SV2B: variants seen among roughly 807,000 people sequenced by gnomAD.
The protein encoded by SV2B is solute carrier family 22 member B2.
Under a neutral mutation model 73.9 loss-of-function variants are expected in SV2B, and 41 were observed. The ratio of observed to expected loss-of-function variants is 0.56; its 90% CI spans 0.43 to 0.72. The LOEUF is 0.72. Among genes scored for constraint, SV2B ranks in the 30% least tolerant of loss-of-function variants. SV2B has a pLI of 0.00. For missense variants in SV2B, 764 were observed against 857.8 expected (o/e 0.89, Z 1.37); for synonymous variants, 314 against 314.2 (o/e 1.00, Z 0.01).
intron 11 of SV2B, among the ~76,000 whole-genome samples, chr15:91,286,663 A>G (rs192219696): frequency 5.9e-5 from 9 of 152,318 alleles, no homozygotes; most frequent in East Asian, 1.9e-4. Flanking sequence ...CATGTGTTCA[A>G]TATTAACACA....
Position 91,124,408 on chromosome 15 carries a change from G to T in SV2B, c.-392+24045G>T, listed in dbSNP as rs2042421047. On this transcript the variant is annotated intron_variant, in intron 1 of 12. Coordinates refer to ENST00000394232, the MANE Select transcript of SV2B (RefSeq NM_001323032.3). This position sits in a 1 kb window ranked among gnomAD's most constrained non-coding sequence, Gnocchi z 4.6. ...GTGAGACACCTGCAACCGAGTGTGA[G>T]GTGCAGCAGCCAAGAGCCAGTGAGG... Among the ~76,000 whole-genome samples the T allele has an allele frequency of 6.6e-6, 1 of 152,150 alleles. No homozygotes were observed. Among genetic ancestry groups the T allele is most frequent in the African/African-American group, 2.4e-5 (1 of 41,444 alleles).
At chr15:91,135,361 C>T (rs1232336005) in intron 1 of SV2B, among the ~76,000 whole-genome samples, 1 of 152,186 alleles carries the variant, frequency 6.6e-6, no homozygotes, top group East Asian at 1.9e-4. Flanking sequence ...TTCACTCTTC[C>T]CGCTTCACCT....
rs1206773735 is a variant in SV2B at position 91,130,355 on chromosome 15, G to A, written c.-392+29992G>A. ...GCAACTCAGGGACAAGGTCAGGGTTGGAGTTACGTGCTTGGCTAGGGCTGA... is the reference window on the plus strand; with the variant it reads ...GCAACTCAGGGACAAGGTCAGGGTTAGAGTTACGTGCTTGGCTAGGGCTGA... On this transcript the variant is annotated intron_variant, in intron 1 of 12. Coordinates refer to ENST00000394232, the MANE Select transcript of SV2B (RefSeq NM_001323032.3). The surrounding 1 kb of genome is among the most constrained non-coding windows in gnomAD (Gnocchi z 5.6). 6.6e-6 allele frequency among the ~76,000 whole-genome samples: 1 copy of A among 152,178 alleles called. No homozygotes were observed. The highest frequency in any genetic ancestry group is 1.5e-5 in the Non-Finnish European group (1 of 68,036).
At chr15:91,287,819 C>T (rs1038972416) in intron 11 of SV2B, among the ~76,000 whole-genome samples, 9 of 152,212 alleles carry the variant, frequency 5.9e-5, no homozygotes, top group African/African-American at 9.7e-5. Flanking sequence ...GCAGGTGAGG[C>T]ACCCAGACAC....
chr15:91,230,420 TC>T (rs1286654042), intron 2 of SV2B, among the ~76,000 whole-genome samples: 28 of 152,256 alleles, frequency 1.8e-4, no homozygotes, highest in Non-Finnish European at 8.8e-5. Context: ...AATGAATGAA[TC>T]CATTTGGAAA....
In SV2B at chr15:91,190,262, A is replaced by G. The variant is rs191554589; in HGVS notation, c.-391-35611A>G. Among the ~76,000 whole-genome samples, 56 of 152,164 alleles carry G rather than the reference A, an allele frequency of 3.7e-4. 1 individual carries two copies. The Middle Eastern group carries it at 0.014, about 37-fold the overall frequency. ...ATCTACCTTGGATTATTACATCTAT[A>G]TGAATGATCTATGTAAGTGGTCATA... On this transcript the variant is annotated intron_variant, in intron 1 of 12. Transcript: ENST00000394232.
Position 91,293,708 on chromosome 15 carries a change from C to T in SV2B, c.*1156C>T, listed in dbSNP as rs2049124287. 1 of 152,144 alleles carries T rather than the reference C, an allele frequency of 6.6e-6. No homozygotes were observed. Among genetic ancestry groups the T allele is most frequent in the African/African-American group, 2.4e-5 (1 of 41,420 alleles). 9.4% of individuals were successfully genotyped at this position (152,144 alleles called of 1,614,324 possible). A position where few individuals can be genotyped will look rare whatever the true frequency, so the allele number is the denominator to read the frequency against. On this transcript the variant is annotated 3_prime_UTR_variant, in exon 13 of 13. Transcript: ENST00000394232. Reference sequence around the variant, plus strand: ...CAAATGTAAATACTTTTTGTTTGTTCTAGTGGTAAAATGCAAATGCAATCC... The same window carrying T: ...CAAATGTAAATACTTTTTGTTTGTTTTAGTGGTAAAATGCAAATGCAATCC...
Position 91,214,087 on chromosome 15 carries a change from G to A in SV2B, c.-391-11786G>A, listed in dbSNP as rs2045950611. Among the ~76,000 whole-genome samples the A allele has an allele frequency of 6.6e-6, 1 of 152,214 alleles. No individual in the cohort carries two copies. Among genetic ancestry groups the A allele is most frequent in the African/African-American group, 2.4e-5 (1 of 41,464 alleles). On this transcript the variant is annotated intron_variant, in intron 1 of 12. Transcript: ENST00000394232. This position sits in a 1 kb window ranked among gnomAD's most constrained non-coding sequence, Gnocchi z 4.7. ...TGGGAAACACTTAACTTGGAAATCA[G>A]TCATATGGGAACAAAATATCAGCTC...
At position 91,252,472 on chromosome 15, in the gene SV2B, G is replaced by A. The variant is rs2047526115; in HGVS notation, c.736G>A (p.Gly246Arg). Residue 246 changes from glycine to arginine, a missense_variant, in exon 4 of 13, where the codon GGG becomes AGG. Transcript: ENST00000394232. This position sits in a 1 kb window ranked among gnomAD's most constrained non-coding sequence, Gnocchi z 4.6. ...TTGGCTGGGCATCTTCTGGATGACTGGGGGCCTGTACGCATCTGCCATGGC... is the reference window on the plus strand; with the variant it reads ...TTGGCTGGGCATCTTCTGGATGACTAGGGGCCTGTACGCATCTGCCATGGC... ...LSWLGIFWMT[G>R]GLYASAMAWS... The A allele has an allele frequency of 6.2e-7, 1 of 1,613,530 alleles. No individual in the cohort carries two copies. The highest frequency in any genetic ancestry group is 1.3e-5 in the African/African-American group (1 of 74,874).
chr15:91,145,836 TG>T (rs745472273), intron 1 of SV2B, among the ~76,000 whole-genome samples: 1 of 152,234 alleles, frequency 6.6e-6, no homozygotes, highest in Non-Finnish European at 1.5e-5. Flanking sequence ...TTAATGACGT[TG>T]TTTTTTTCTT....
chr15:91,292,250 T>A, intron 12 of SV2B, 119 bp from the exon 13 acceptor site: 1 of 906,080 alleles, frequency 1.1e-6, no homozygotes, highest in African/African-American at 1.7e-5. Flanking sequence ...TATTTTTATA[T>A]TTAGGAAAAA....
chr15:91,242,095 G>C lies in SV2B; in HGVS notation c.452-9724G>C, dbSNP rs1007721017. Reference sequence around the variant, plus strand: ...TCCTCAGCTTATTCACCTGTTCACAGCAACTCTAACGGTTAGCCACTCTCT... The same window carrying C: ...TCCTCAGCTTATTCACCTGTTCACACCAACTCTAACGGTTAGCCACTCTCT... On this transcript the variant is annotated intron_variant, in intron 2 of 12. Transcript: ENST00000394232. The surrounding 1 kb of genome is among the most constrained non-coding windows in gnomAD (Gnocchi z 4.9). Among the ~76,000 whole-genome samples, 1 of 152,170 alleles carries C rather than the reference G, an allele frequency of 6.6e-6. No homozygotes were observed. Among genetic ancestry groups the C allele is most frequent in the Non-Finnish European group, 1.5e-5 (1 of 68,042 alleles).
intron 1 of SV2B, among the ~76,000 whole-genome samples, chr15:91,213,095 G>A (rs2045921091): frequency 6.6e-6 from 1 of 152,122 alleles, no homozygotes; most frequent in Admixed American, 6.5e-5. Flanking sequence ...GGAGGTTGCA[G>A]TGAACTGAGA....
chr15:91,273,603 A>G (rs1482903324), intron 9 of SV2B, among the ~76,000 whole-genome samples: 1 of 152,192 alleles, frequency 6.6e-6, no homozygotes, highest in Non-Finnish European at 1.5e-5. Flanking sequence ...TTCTCTTGTT[A>G]TATAATCCTA....
chr15:91,231,489 G>A lies in SV2B; in HGVS notation c.451+4775G>A, dbSNP rs1344534140. Among the ~76,000 whole-genome samples, 4 of 152,126 alleles carry A rather than the reference G, an allele frequency of 2.6e-5. No individual in the cohort carries two copies. The highest frequency in any genetic ancestry group is 5.9e-5 in the Non-Finnish European group (4 of 68,020). ...TTTATTTTTTGAGTGTGGGAGCCTT[G>A]TCTCCCTGGAGCTATTACTATTAAA... On this transcript the variant is annotated intron_variant, in intron 2 of 12. Coordinates refer to ENST00000394232, the MANE Select transcript of SV2B (RefSeq NM_001323032.3). The surrounding 1 kb of genome is among the most constrained non-coding windows in gnomAD (Gnocchi z 4.5).
At chr15:91,102,513 T>G (rs1204934890) in intron 1 of SV2B, among the ~76,000 whole-genome samples, 2 of 152,234 alleles carry the variant, frequency 1.3e-5, no homozygotes, top group African/African-American at 2.4e-5. Flanking sequence ...GTTCATTCAT[T>G]AAGTTCCTAC....
chr15:91,192,516 G>A (rs1218448800), intron 1 of SV2B, among the ~76,000 whole-genome samples: 1 of 152,064 alleles, frequency 6.6e-6, no homozygotes, highest in African/African-American at 2.4e-5. Flanking sequence ...TATCAATATG[G>A]GTTTCACAAG....
chr15:91,151,129 C>CT (rs1201432461), intron 1 of SV2B, among the ~76,000 whole-genome samples: 2 of 152,202 alleles, frequency 1.3e-5, no homozygotes, highest in African/African-American at 4.8e-5. Context: ...AGATGGAAGA[C>CT]TAACAGTTAA....
At position 91,268,153 on chromosome 15, in the gene SV2B, A is replaced by G. The variant is rs1240002308; in HGVS notation, c.1209-288A>G. 6.6e-6 allele frequency among the ~76,000 whole-genome samples: 1 copy of G among 152,210 alleles called. No individual in the cohort carries two copies. Among genetic ancestry groups the G allele is most frequent in the Non-Finnish European group, 1.5e-5 (1 of 68,038 alleles). On this transcript the variant is annotated intron_variant, in intron 8 of 12. Coordinates refer to ENST00000394232, the MANE Select transcript of SV2B (RefSeq NM_001323032.3). This position sits in a 1 kb window ranked among gnomAD's most constrained non-coding sequence, Gnocchi z 4.4. Reference sequence around the variant, plus strand: ...TATTCACTAAGATTCTGGCTGAGACATGTATATTTTACATGTTAAGGAGGT... The same window carrying G: ...TATTCACTAAGATTCTGGCTGAGACGTGTATATTTTACATGTTAAGGAGGT...
Sources: allele counts gnomAD v4.1 joint callset (sites outside exome capture counted in the v4.1 genomes callset), GRCh38; gene constraint gnomAD v4.1.1; non-coding constraint Gnocchi (gnomAD v3.1); transcripts MANE v1.5; gene names NCBI Gene and HGNC (gene_info 2026-07-23, HGNC 2026-07-21).